Variants in LVRN observed in about 807,000 individuals in gnomAD.
The protein encoded by LVRN is aminopeptidase Q.
Under a neutral mutation model 111.4 loss-of-function variants are expected in LVRN, and 99 were observed. That is an observed-to-expected ratio of 0.89 (90% confidence interval 0.76 to 1.05). The LOEUF is 1.05. LVRN is among the 50% of genes least tolerant of loss of function. The pLI is 0.00. For missense variants in LVRN, 1,414 were observed against 1,206.8 expected (o/e 1.17, Z -2.54); for synonymous variants, 488 against 449.5 (o/e 1.09, Z -1.08).
At chr5:115,977,454 A>G (rs1753472435) in intron 1 of LVRN, among the ~76,000 whole-genome samples, 1 of 152,150 alleles carries the variant, frequency 6.6e-6, no homozygotes. Context: ...GTTGTTTTAT[A>G]TATTTTGTCA....
At chr5:115,992,562 C>T (rs1385056602) in intron 5 of LVRN, among the ~76,000 whole-genome samples, 1 of 152,114 alleles carries the variant, frequency 6.6e-6, no homozygotes, top group Non-Finnish European at 1.5e-5. Context: ...AAAAGTTAAA[C>T]CATGCAGACA....
At position 115,992,143 on chromosome 5, in the gene LVRN, T is replaced by C; in HGVS notation, c.1126T>C (p.Phe376Leu). The C allele has an allele frequency of 6.2e-7, 1 of 1,613,498 alleles. No individual in the cohort carries two copies. Among genetic ancestry groups the C allele is most frequent in the East Asian group, 2.2e-5 (1 of 44,862 alleles). The change falls in exon 5 of 20, where the codon TTT (phenylalanine) becomes CTT (leucine). Residue 376 changes from phenylalanine to leucine, a missense_variant. Coordinates refer to ENST00000357872, the MANE Select transcript of LVRN (RefSeq NM_173800.5). ...CTTAGATATAATTGCCTTGCCTAGT[T>C]TTGACAACCATGCAATGGAAAACTG... ...PKTDIIALPSFDNHAMENWGL... is the reference protein window; with the variant it reads ...PKTDIIALPSLDNHAMENWGL...
At chr5:116,019,689 A>G (rs2112643250) in intron 18 of LVRN, among the ~76,000 whole-genome samples, 1 of 152,348 alleles carries the variant, frequency 6.6e-6, no homozygotes. Flanking sequence ...TGGGAGCCAG[A>G]ATCATCATCA....
At chr5:116,011,011 A>G (rs982264744) in intron 14 of LVRN, 117 bp downstream of exon 14, 10 of 225,428 alleles carry the variant, frequency 4.4e-5, no homozygotes, top group Non-Finnish European at 6.7e-5. Context: ...TTCCATATAT[A>G]TATATATATA....
At chr5:115,992,657 G>A (rs1748022295) in intron 5 of LVRN, among the ~76,000 whole-genome samples, 1 of 152,182 alleles carries the variant, frequency 6.6e-6, no homozygotes. Context: ...TCAGCAGATT[G>A]TTATAAATTT....
chr5:116,005,843 G>T (rs1360839173), intron 12 of LVRN, 69 bp from the exon 13 acceptor site: 2 of 1,318,236 alleles, frequency 1.5e-6, no homozygotes, highest in Non-Finnish European at 1.1e-6. Context: ...TTAAATTGTT[G>T]TTATTTTGAA....
At chr5:116,011,389 A>T (rs1309168000) in intron 14 of LVRN, among the ~76,000 whole-genome samples, 1 of 152,162 alleles carries the variant, frequency 6.6e-6, no homozygotes, top group Admixed American at 6.5e-5. Context: ...AGGAAAAGAA[A>T]GAGAGAAATT....
intron 1 of LVRN, among the ~76,000 whole-genome samples, chr5:115,980,205 G>T (rs1177599253): frequency 1.3e-5 from 2 of 152,020 alleles, no homozygotes; most frequent in Non-Finnish European, 2.9e-5. Context: ...GTGGTGGATG[G>T]TTCTATTTTC....
intron 6 of LVRN, among the ~76,000 whole-genome samples, chr5:115,994,667 G>A (rs1748067638): frequency 6.6e-6 from 1 of 152,016 alleles, no homozygotes; most frequent in African/African-American, 2.4e-5. Context: ...TGCTGATATT[G>A]TTTTGCTAAT....
chr5:116,007,934 C>A (rs935050671), intron 13 of LVRN, among the ~76,000 whole-genome samples: 1 of 152,146 alleles, frequency 6.6e-6, no homozygotes, highest in Middle Eastern at 3.2e-3. Context: ...ATGAATCATG[C>A]CTGTATAAGG....
intron 6 of LVRN, among the ~76,000 whole-genome samples, chr5:115,998,685 A>G (rs1038433370): frequency 6.6e-6 from 1 of 152,224 alleles, no homozygotes; most frequent in Non-Finnish European, 1.5e-5. Context: ...TTAAACTAGC[A>G]GCATCAGCAT....
chr5:116,008,546 C>G (rs1297828482), intron 13 of LVRN, among the ~76,000 whole-genome samples: 1 of 150,830 alleles, frequency 6.6e-6, no homozygotes, highest in African/African-American at 2.4e-5. Context: ...ATTGTAGATG[C>G]AAAGGATAAG....
At chr5:116,022,235 A>C in intron 18 of LVRN, 156 bp from the exon 19 acceptor site, 1 of 574,598 alleles carries the variant, frequency 1.7e-6, no homozygotes. Flanking sequence ...TTCTCTATTA[A>C]AAGATGAAGC....
In LVRN at chr5:116,005,659, G is replaced by A. The variant is rs116767484; in HGVS notation, c.2038-253G>A. 1.9e-3 allele frequency: 996 copies of A among 515,770 alleles called. 11 individuals carry two copies. The highest frequency in any genetic ancestry group is 0.018 in the African/African-American group (910 of 51,498). 31.9% of individuals were successfully genotyped at this position (515,770 alleles called of 1,614,324 possible). On this transcript the variant is annotated intron_variant, in intron 12 of 19. Transcript: ENST00000357872. ...TTTTTTAACATGGTATGTTTCAGGA[G>A]TATTTTGGCAAAACTTTCTGCCATA...
Position 115,963,286 on chromosome 5 carries a change from C to T in LVRN, c.669C>T (p.Asn223=). 3 of 1,611,076 alleles carry T rather than the reference C, an allele frequency of 1.9e-6. No homozygotes were observed. Among genetic ancestry groups the T allele is most frequent in the African/African-American group, 2.7e-5 (2 of 74,994 alleles). ...KEDLREGLFL[N]VYTDQGERRA... ...ACCTCAGGGAGGGACTCTTCCTCAA[C>T]GTCTACACCGACCAGGGCGAGCGCA... Residue 223 remains asparagine (N), a synonymous_variant, in exon 1 of 20, where the codon AAC becomes AAT. Coordinates refer to ENST00000357872, the MANE Select transcript of LVRN (RefSeq NM_173800.5).
intron 5 of LVRN, among the ~76,000 whole-genome samples, chr5:115,993,319 A>G (rs1045143912): frequency 1.3e-5 from 2 of 152,176 alleles, no homozygotes. Flanking sequence ...CTTAAAATAT[A>G]AACAACTGCT....
At chr5:116,025,905 T>A (rs1275169302) in intron 19 of LVRN, 73 bp from the exon 20 acceptor site, 1 of 1,573,192 alleles carries the variant, frequency 6.4e-7, no homozygotes, top group Non-Finnish European at 8.6e-7. Flanking sequence ...TGTTGCTACT[T>A]AGCATTTAGA....
At chr5:116,000,685 C>CT in intron 9 of LVRN, 27 bp downstream of exon 9, 1 of 1,608,378 alleles carries the variant, frequency 6.2e-7, no homozygotes, top group Non-Finnish European at 8.5e-7. Context: ...CTGACACATT[C>CT]TTGCTGAGTT....
At chr5:116,014,184 T>C (rs1748549155) in intron 15 of LVRN, among the ~76,000 whole-genome samples, 1 of 152,194 alleles carries the variant, frequency 6.6e-6, no homozygotes, top group Admixed American at 6.5e-5. Context: ...GTTTCTAACT[T>C]TCAAAAAATA....
Sources: gnomAD v4.1 joint callset for allele counts (sites outside exome capture counted in the v4.1 genomes callset) on GRCh38, gnomAD v4.1.1 for gene constraint, MANE v1.5 for transcripts, NCBI Gene and HGNC (gene_info 2026-07-23, HGNC 2026-07-21) for gene names.